Variants in STXBP5L observed in about 807,000 individuals in gnomAD.
STXBP5L encodes syntaxin-binding protein 5-like.
Under a neutral mutation model 144.5 loss-of-function variants are expected in STXBP5L, and 65 were observed. The observed-to-expected ratio is 0.45, with a 90% CI of 0.37 to 0.55. The LOEUF is 0.55. Among genes scored for constraint, STXBP5L ranks in the 20% least tolerant of loss-of-function variants. The pLI is 0.00. For synonymous variants in STXBP5L, 505 were observed against 469.6 expected, an observed-to-expected ratio of 1.08 and a Z score of -0.97; for missense variants, 1,298 against 1,405.5, an observed-to-expected ratio of 0.92 and a Z score of 1.22.
chr3:120,936,147 A>C (rs1321966213), intron 2 of STXBP5L, among the ~76,000 whole-genome samples: 1 of 152,150 alleles, frequency 6.6e-6, no homozygotes, highest in Non-Finnish European at 1.5e-5. Flanking sequence ...AGGTGAGCCC[A>C]TCAAGGACAT....
intron 3 of STXBP5L, among the ~76,000 whole-genome samples, chr3:121,013,224 T>G (rs1393104174): frequency 6.6e-6 from 1 of 152,044 alleles, no homozygotes; most frequent in Non-Finnish European, 1.5e-5. Flanking sequence ...TTAATGGGAT[T>G]GCTAGGTTAA....
At chr3:121,077,933 G>C (rs1043168565) in intron 5 of STXBP5L, among the ~76,000 whole-genome samples, 1 of 150,562 alleles carries the variant, frequency 6.6e-6, no homozygotes, top group Non-Finnish European at 1.5e-5. Flanking sequence ...CAATCCCTTA[G>C]CTAGACATAA....
chr3:120,964,113 GTGA>G (rs1326982871), intron 3 of STXBP5L, among the ~76,000 whole-genome samples: 3 of 152,152 alleles, frequency 2.0e-5, no homozygotes, highest in African/African-American at 4.8e-5. Context: ...AGGATCGGTG[GTGA>G]TATTCTTTTT....
In STXBP5L at chr3:121,077,693, C is replaced by T. The variant is rs186659112; in HGVS notation, c.470+32158C>T. 1.6e-4 allele frequency among the ~76,000 whole-genome samples: 24 copies of T among 152,210 alleles called. 1 individual carries two copies. The highest frequency in any genetic ancestry group is 8.5e-4 in the Admixed American group (13 of 15,296). On this transcript the variant is annotated intron_variant, in intron 5 of 26. Transcript: ENST00000471454. Reference sequence around the variant, plus strand: ...AGAGAGCCGAGTGGTCTGTTTTGACCGGGTGCTGATTGGTGCGTTTACAAT... The same window carrying T: ...AGAGAGCCGAGTGGTCTGTTTTGACTGGGTGCTGATTGGTGCGTTTACAAT...
At chr3:120,968,587 A>T (rs1368025573) in intron 3 of STXBP5L, among the ~76,000 whole-genome samples, 20 of 152,162 alleles carry the variant, frequency 1.3e-4, no homozygotes, top group Non-Finnish European at 2.9e-5. Flanking sequence ...AATAAATTTC[A>T]AAAGCTTTGG....
intron 15 of STXBP5L, among the ~76,000 whole-genome samples, chr3:121,251,319 C>T (rs2050018711): frequency 6.6e-6 from 1 of 152,054 alleles, no homozygotes. Flanking sequence ...AAATTGTAGT[C>T]ATTAGAAAAG....
chr3:121,212,522 G>A (rs1037889108), intron 10 of STXBP5L, among the ~76,000 whole-genome samples: 8 of 152,146 alleles, frequency 5.3e-5, no homozygotes, highest in Admixed American at 1.3e-4. Flanking sequence ...TCAGATGGTT[G>A]TAGATGGGTG....
intron 18 of STXBP5L, among the ~76,000 whole-genome samples, chr3:121,270,402 G>T (rs1381188877): frequency 2.0e-5 from 3 of 151,910 alleles, no homozygotes; most frequent in African/African-American, 7.2e-5. Context: ...CCAGGATCTG[G>T]CATTGCTTTT....
intron 5 of STXBP5L, among the ~76,000 whole-genome samples, chr3:121,048,697 T>A (rs1183685219): frequency 2.6e-5 from 4 of 151,976 alleles, no homozygotes; most frequent in Admixed American, 6.6e-5. Context: ...TCTTTTTTTT[T>A]TTTTTTAAGA....
chr3:121,116,024 G>C (rs1240083927), intron 6 of STXBP5L, among the ~76,000 whole-genome samples: 1 of 152,118 alleles, frequency 6.6e-6, no homozygotes, highest in African/African-American at 2.4e-5. Context: ...GCCCCACCTT[G>C]AACATTTAGG....
chr3:121,136,011 G>A (rs959897217), intron 7 of STXBP5L, among the ~76,000 whole-genome samples: 2 of 152,020 alleles, frequency 1.3e-5, no homozygotes, highest in Admixed American at 1.3e-4. Context: ...CTGCATGACC[G>A]CTGACCGACT....
At chr3:121,000,351 A>G (rs567168040) in intron 3 of STXBP5L, among the ~76,000 whole-genome samples, 10 of 152,216 alleles carry the variant, frequency 6.6e-5, no homozygotes, top group African/African-American at 2.2e-4. Flanking sequence ...ATAGATTTGA[A>G]GAGCCAGTCT....
intron 19 of STXBP5L, among the ~76,000 whole-genome samples, chr3:121,300,022 T>C (rs576045501): frequency 2.7e-5 from 4 of 150,086 alleles, no homozygotes; most frequent in South Asian, 4.2e-4. Flanking sequence ...CTTAAGACTT[T>C]ATAGTCAAAC....
intron 3 of STXBP5L, among the ~76,000 whole-genome samples, chr3:120,969,032 CTT>C (rs976606647): frequency 2.0e-5 from 3 of 151,924 alleles, no homozygotes; most frequent in Non-Finnish European, 4.4e-5. Flanking sequence ...CATATAATGA[CTT>C]ATTTTCCTTT....
chr3:121,143,981 C>T (rs534102217), intron 7 of STXBP5L, among the ~76,000 whole-genome samples: 2 of 151,692 alleles, frequency 1.3e-5, no homozygotes, highest in African/African-American at 2.4e-5. Context: ...CAAAAATAAA[C>T]ATGTAGGACA....
chr3:121,095,112 G>A (rs1467461080), intron 5 of STXBP5L, among the ~76,000 whole-genome samples: 1 of 152,070 alleles, frequency 6.6e-6, no homozygotes, highest in African/African-American at 2.4e-5. Flanking sequence ...TTGAATATTG[G>A]CCCCCAGTGT....
chr3:121,293,793 G>A (rs1920534), intron 19 of STXBP5L, among the ~76,000 whole-genome samples: 15,135 of 152,232 alleles, frequency 0.099, 1,186 homozygotes, highest in Admixed American at 0.2. Flanking sequence ...CCCGGGAGGC[G>A]GAGGTTGCCG....
At chr3:121,067,299 ATTGT>A (rs1400438800) in intron 5 of STXBP5L, among the ~76,000 whole-genome samples, 2 of 152,048 alleles carry the variant, frequency 1.3e-5, no homozygotes, top group Non-Finnish European at 1.5e-5. Context: ...TTCCCTGAAA[ATTGT>A]TTGAGCTCCA....
intron 2 of STXBP5L, among the ~76,000 whole-genome samples, chr3:120,941,664 A>T (rs1166662173): frequency 6.6e-6 from 1 of 151,806 alleles, no homozygotes; most frequent in Non-Finnish European, 1.5e-5. Flanking sequence ...ATGACATAAC[A>T]GTTTTTGAAG....
Sources: allele counts gnomAD v4.1 joint callset (sites outside exome capture counted in the v4.1 genomes callset), GRCh38; gene constraint gnomAD v4.1.1; transcripts MANE v1.5; gene names NCBI Gene and HGNC (gene_info 2026-07-23, HGNC 2026-07-21).